The following EYS variants were observed in gnomAD, a reference collection of about 807,000 sequenced individuals.
The protein encoded by EYS is EGF-like photoreceptor maintenance factor, also known as protein eyes shut homolog.
Under a neutral mutation model 282.1 loss-of-function variants are expected in EYS, and 250 were observed. The ratio of observed to expected loss-of-function variants is 0.89; its 90% confidence interval spans 0.80 to 0.98. The LOEUF is 0.98. Among genes scored for constraint, EYS ranks in the 50% least tolerant of loss-of-function variants. EYS has a pLI of 0.00. For synonymous variants in EYS, 1,355 were observed against 1,282.9 expected (o/e 1.06, Z -1.20); for missense variants, 4,016 against 3,709.0 (o/e 1.08, Z -2.15).
At chr6:64,948,464 A>C (rs1278807326) in intron 14 of EYS, among the ~76,000 whole-genome samples, 1 of 147,138 alleles carries the variant, frequency 6.8e-6, no homozygotes, top group Admixed American at 6.9e-5. Flanking sequence ...AATATTATTA[A>C]ATATTAAATA....
intron 16 of EYS, among the ~76,000 whole-genome samples, chr6:64,905,819 T>C (rs910168582): frequency 6.6e-6 from 1 of 152,052 alleles, no homozygotes; most frequent in Admixed American, 6.6e-5. Flanking sequence ...TTTAACAATC[T>C]CCACTTCATA....
At chr6:63,820,511 T>A (rs1350229319) in intron 36 of EYS, among the ~76,000 whole-genome samples, 4 of 152,228 alleles carry the variant, frequency 2.6e-5, no homozygotes, top group African/African-American at 9.6e-5. Flanking sequence ...TGGTTAAGAA[T>A]TATTCCTTCA....
intron 31 of EYS, among the ~76,000 whole-genome samples, chr6:64,186,573 A>G (rs1007554975): frequency 1.7e-4 from 26 of 152,150 alleles, no homozygotes; most frequent in African/African-American, 6.0e-4. Context: ...CCTTAAAAGA[A>G]TATCACCAGG....
chr6:65,224,904 G>A (rs955738198), intron 12 of EYS, among the ~76,000 whole-genome samples: 11 of 152,102 alleles, frequency 7.2e-5, no homozygotes, highest in African/African-American at 1.9e-4. Flanking sequence ...CATAGGTAAA[G>A]TGATTGAATT....
intron 39 of EYS, among the ~76,000 whole-genome samples, chr6:63,780,836 T>C (rs1468228688): frequency 6.6e-6 from 1 of 152,240 alleles, no homozygotes; most frequent in Non-Finnish European, 1.5e-5. Context: ...GCCTATGTCC[T>C]GAATGGTATT....
At chr6:64,540,375 A>C (rs542579130) in intron 26 of EYS, among the ~76,000 whole-genome samples, 15 of 152,274 alleles carry the variant, frequency 9.9e-5, no homozygotes, top group African/African-American at 3.4e-4. Flanking sequence ...TGTTCAGAGA[A>C]GCAATGTAAG....
At chr6:64,164,923 G>A (rs1487713858) in intron 31 of EYS, among the ~76,000 whole-genome samples, 3 of 151,924 alleles carry the variant, frequency 2.0e-5, no homozygotes. Flanking sequence ...GTATTGATTT[G>A]GATCTTTGAC....
In EYS at chr6:65,580,415, G is replaced by A. The variant is rs530020224; in HGVS notation, c.-333+59363C>T. Among the ~76,000 whole-genome samples the A allele has an allele frequency of 2.6e-5, 4 of 152,230 alleles. No homozygotes were observed. The East Asian group carries it at 7.7e-4, about 29-fold the overall frequency. ...CATTGGGTCTAGTAACTACTAGCCT[G>A]AAATTAGGAAGATTTGTAGACAACA... On this transcript the variant is annotated intron_variant, in intron 2 of 42. Transcript: ENST00000503581.
intron 29 of EYS, among the ~76,000 whole-genome samples, chr6:64,316,934 G>A (rs1208743428): frequency 1.3e-5 from 2 of 152,042 alleles, no homozygotes; most frequent in East Asian, 1.9e-4. Flanking sequence ...TCTGATCTTT[G>A]ACAAACCTGA....
chr6:64,188,599 C>A (rs188138324), intron 31 of EYS, among the ~76,000 whole-genome samples: 91 of 152,184 alleles, frequency 6.0e-4, no homozygotes, highest in African/African-American at 1.9e-3. Context: ...GGCATTAAAT[C>A]GGATAATTTA....
intron 22 of EYS, among the ~76,000 whole-genome samples, chr6:64,766,324 A>T (rs1446600334): frequency 1.3e-5 from 2 of 148,972 alleles, no homozygotes; most frequent in African/African-American, 2.5e-5. Flanking sequence ...CTATTTATTT[A>T]TATTTTTTAT....
chr6:65,418,768 T>C (rs1767339881), intron 5 of EYS, among the ~76,000 whole-genome samples: 1 of 151,936 alleles, frequency 6.6e-6, no homozygotes, highest in South Asian at 2.1e-4. Context: ...CAAACCATCA[T>C]GACAAACGTA....
At chr6:65,651,407 G>A (rs1767646206) in intron 1 of EYS, among the ~76,000 whole-genome samples, 1 of 151,930 alleles carries the variant, frequency 6.6e-6, no homozygotes, top group South Asian at 2.1e-4. Context: ...TGGAGACAAT[G>A]TTTATATTAA....
Position 64,346,817 on chromosome 6 carries a change from T to C in EYS, c.6079-39735A>G, listed in dbSNP as rs1030804221. 5.9e-5 allele frequency among the ~76,000 whole-genome samples: 9 copies of C among 151,504 alleles called. No homozygotes were observed. In the South Asian group the frequency reaches 6.2e-4, roughly 10 times the overall value. ...CGTTGATTGTAAGAAACATGAAATATGTAATTATAATATTGTCATTGGCAT... is the reference window on the plus strand; with the variant it reads ...CGTTGATTGTAAGAAACATGAAATACGTAATTATAATATTGTCATTGGCAT... On this transcript the variant is annotated intron_variant, in intron 29 of 42. Transcript: ENST00000503581.
At chr6:64,836,560 C>T (rs543550507) in intron 19 of EYS, among the ~76,000 whole-genome samples, 1 of 151,522 alleles carries the variant, frequency 6.6e-6, no homozygotes, top group African/African-American at 2.4e-5. Flanking sequence ...CAGGCAGTAA[C>T]ATGCATATTA....
chr6:64,027,749 C>T (rs1438953008), intron 33 of EYS, among the ~76,000 whole-genome samples: 1 of 152,250 alleles, frequency 6.6e-6, no homozygotes, highest in Non-Finnish European at 1.5e-5. Context: ...GGAAGGTGCA[C>T]TGCCCCAGAG....
intron 12 of EYS, among the ~76,000 whole-genome samples, chr6:65,107,493 G>T (rs1775075336): frequency 7.5e-6 from 1 of 133,818 alleles, no homozygotes; most frequent in Non-Finnish European, 1.6e-5. Flanking sequence ...ACAAATGGCT[G>T]CGATCTAACT....
chr6:64,726,650 A>G (rs1771768322), intron 22 of EYS, among the ~76,000 whole-genome samples: 1 of 152,152 alleles, frequency 6.6e-6, no homozygotes, highest in African/African-American at 2.4e-5. Context: ...TTCAACCAGA[A>G]AAGTCTTTTT....
chr6:63,951,124 C>G (rs1008966325), intron 35 of EYS, among the ~76,000 whole-genome samples: 1 of 152,052 alleles, frequency 6.6e-6, no homozygotes, highest in Non-Finnish European at 1.5e-5. Context: ...CTGAGCTTGC[C>G]TCCTTCACTA....
Sources: allele counts gnomAD v4.1 joint callset (sites outside exome capture counted in the v4.1 genomes callset), GRCh38; gene constraint gnomAD v4.1.1; transcripts MANE v1.5; gene names NCBI Gene and HGNC (gene_info 2026-07-23, HGNC 2026-07-21).